ARHGEF28: variants seen among roughly 807,000 people sequenced by gnomAD.
The protein encoded by ARHGEF28 is Rho guanine nucleotide exchange factor 28.
ARHGEF28 carries 152 observed loss-of-function variants against 206.6 expected under a neutral mutation model. The observed-to-expected ratio is 0.74, with a 90% CI of 0.64 to 0.84. The LOEUF is 0.84. ARHGEF28 is among the 40% of genes least tolerant of loss of function. ARHGEF28 has a pLI of 0.00. For missense variants in ARHGEF28, 2,028 were observed against 2,073.2 expected, an observed-to-expected ratio of 0.98 and a Z score of 0.42; for synonymous variants, 763 against 776.4, an observed-to-expected ratio of 0.98 and a Z score of 0.29.
At chr5:73,629,537 C>A (rs1367763571) in intron 1 of ARHGEF28, among the ~76,000 whole-genome samples, 1 of 150,678 alleles carries the variant, frequency 6.6e-6, no homozygotes, top group Non-Finnish European at 1.5e-5. Context: ...AGACATTTGA[C>A]TGGCAAAATA....
chr5:73,780,609 T>C (rs2112460031), intron 6 of ARHGEF28, 67 bp from the exon 7 acceptor site: 1 of 1,461,602 alleles, frequency 6.8e-7, no homozygotes, highest in Non-Finnish European at 9.3e-7. Flanking sequence ...TGCCTCTTTG[T>C]TGTATATCTG....
intron 2 of ARHGEF28, among the ~76,000 whole-genome samples, chr5:73,719,671 G>T (rs983279334): frequency 6.6e-6 from 1 of 152,328 alleles, no homozygotes; most frequent in South Asian, 2.1e-4. Flanking sequence ...AAAAAAAGAT[G>T]CACATCATGA....
chr5:73,655,623 G>T (rs189716721), intron 1 of ARHGEF28, among the ~76,000 whole-genome samples: 2 of 152,120 alleles, frequency 1.3e-5, no homozygotes, highest in Non-Finnish European at 2.9e-5. Flanking sequence ...ACAAAGTTCT[G>T]TGTGTAGGCA....
chr5:73,726,132 C>G (rs932769889), intron 2 of ARHGEF28, among the ~76,000 whole-genome samples: 2 of 152,106 alleles, frequency 1.3e-5, no homozygotes, highest in African/African-American at 2.4e-5. Flanking sequence ...AAAGTTTAAA[C>G]CAGGGGAGAA....
intron 23 of ARHGEF28, 135 bp from the exon 24 acceptor site, chr5:73,883,632 A>T: frequency 2.1e-6 from 1 of 482,058 alleles, no homozygotes; most frequent in Non-Finnish European, 3.6e-6. Flanking sequence ...GTGATAATGC[A>T]TCGTTTTAAT....
At chr5:73,645,579 C>G (rs1264110621) in intron 1 of ARHGEF28, among the ~76,000 whole-genome samples, 1 of 152,058 alleles carries the variant, frequency 6.6e-6, no homozygotes, top group Non-Finnish European at 1.5e-5. Context: ...ATATGTCTGA[C>G]CCTTCCTCAG....
intron 2 of ARHGEF28, among the ~76,000 whole-genome samples, chr5:73,699,580 G>C (rs1000376620): frequency 1.3e-5 from 2 of 152,148 alleles, no homozygotes; most frequent in Non-Finnish European, 2.9e-5. Context: ...ATACGGGAGG[G>C]CTCTCTTTGT....
intron 30 of ARHGEF28, 143 bp from the exon 31 acceptor site, chr5:73,901,041 C>G (rs1404074703): frequency 1.6e-6 from 1 of 638,830 alleles, no homozygotes; most frequent in Non-Finnish European, 2.7e-6. Context: ...CATCCAAGCA[C>G]CTCATCTAAG....
chr5:73,684,921 C>T (rs1202169600), intron 2 of ARHGEF28, 37 bp downstream of exon 2: 2 of 1,606,234 alleles, frequency 1.2e-6, no homozygotes, highest in Admixed American at 1.7e-5. Flanking sequence ...GTCCAAGGGG[C>T]CCTTTCTTAA....
chr5:73,714,154 T>C (rs558487069), intron 2 of ARHGEF28, among the ~76,000 whole-genome samples: 58 of 152,168 alleles, frequency 3.8e-4, no homozygotes, highest in Non-Finnish European at 6.8e-4. Context: ...AGTGCCTGCA[T>C]CAGTGACTGA....
chr5:73,761,173 T>C (rs1027316982), intron 4 of ARHGEF28, among the ~76,000 whole-genome samples: 1 of 152,184 alleles, frequency 6.6e-6, no homozygotes, highest in Non-Finnish European at 1.5e-5. Context: ...CGTAGCAGGA[T>C]GCATATAGCA....
At chr5:73,655,887 G>A (rs889776446) in intron 1 of ARHGEF28, among the ~76,000 whole-genome samples, 1 of 152,146 alleles carries the variant, frequency 6.6e-6, no homozygotes, top group African/African-American at 2.4e-5. Flanking sequence ...AAGAGTTTGG[G>A]GGCGGTTTTC....
chr5:73,645,331 A>T (rs902266104), intron 1 of ARHGEF28, among the ~76,000 whole-genome samples: 6 of 152,148 alleles, frequency 3.9e-5, no homozygotes, highest in Non-Finnish European at 5.9e-5. Flanking sequence ...TCATATTTTT[A>T]AAAAGTATTT....
chr5:73,895,444 A>G (rs548305595), intron 29 of ARHGEF28, among the ~76,000 whole-genome samples: 16 of 152,296 alleles, frequency 1.1e-4, no homozygotes, highest in African/African-American at 3.6e-4. Context: ...CTGAAGGTCT[A>G]TAGAGGAAAG....
At chr5:73,702,076 T>C (rs1049147163) in intron 2 of ARHGEF28, among the ~76,000 whole-genome samples, 1 of 152,220 alleles carries the variant, frequency 6.6e-6, no homozygotes, top group African/African-American at 2.4e-5. Context: ...TTAAAGGAAC[T>C]GACAAACAAT....
chr5:73,802,870 C>CTGTGTGTGTGTGTGTGTGTGTGTGTGTG (rs561505395), intron 9 of ARHGEF28, among the ~76,000 whole-genome samples: 1 of 122,172 alleles, frequency 8.2e-6, no homozygotes, highest in Non-Finnish European at 1.7e-5. Flanking sequence ...AGCTCGATTG[C>CTGTGTGTGTGTGTGTGTGTGTGTGTGTG]TGTGTGTGTG....
intron 2 of ARHGEF28, among the ~76,000 whole-genome samples, chr5:73,733,294 A>G (rs953385779): frequency 3.3e-4 from 51 of 152,258 alleles, no homozygotes; most frequent in African/African-American, 9.6e-4. Flanking sequence ...AGGCAGAGGC[A>G]TTCATTATTA....
At chr5:73,802,854 C>T (rs888697089) in intron 9 of ARHGEF28, among the ~76,000 whole-genome samples, 1 of 146,842 alleles carries the variant, frequency 6.8e-6, no homozygotes, top group Non-Finnish European at 1.5e-5. Context: ...GGATAATTGG[C>T]CAGCAAGCTC....
At position 73,633,364 on chromosome 5, in the gene ARHGEF28, T is replaced by C. The variant is rs535544786; in HGVS notation, c.-12+7042T>C. The stretch of plus-strand genomic sequence containing the variant: ...TAGGGAAGAAGTGACACCTCATGGT[T>C]AAGATTAGCAGCTGCAGGTCAGAGA... On this transcript the variant is annotated intron_variant, in intron 1 of 35. Transcript: ENST00000513042. Among the ~76,000 whole-genome samples the C allele has an allele frequency of 2.1e-4, 32 of 152,230 alleles. No homozygotes were observed. The South Asian group carries it at 6.4e-3, about 31-fold the overall frequency.
Sources: allele counts gnomAD v4.1 joint callset (sites outside exome capture counted in the v4.1 genomes callset), GRCh38; gene constraint gnomAD v4.1.1; transcripts MANE v1.5; gene names NCBI Gene and HGNC (gene_info 2026-07-23, HGNC 2026-07-21).